The following SPNS2 variants were observed in gnomAD, a reference collection of about 807,000 sequenced individuals.
The protein encoded by SPNS2 is sphingosine-1-phosphate transporter SPNS2.
A neutral mutation model predicts 57.6 loss-of-function variants in SPNS2; 37 were observed. The ratio of observed to expected loss-of-function variants is 0.64; its 90% CI spans 0.49 to 0.85. The LOEUF (loss-of-function observed/expected upper bound fraction) is 0.85, where lower values mean the gene tolerates loss of function less well. Among genes scored for constraint, SPNS2 ranks in the 40% least tolerant of loss-of-function variants. The pLI, the probability that SPNS2 is intolerant of heterozygous loss-of-function variation, is 0.00. For synonymous variants in SPNS2, 440 were observed against 346.9 expected (o/e 1.27, Z -2.98); for missense variants, 831 against 779.1 (o/e 1.07, Z -0.79).
chr17:4,528,447 C>T (rs1905325808), intron 3 of SPNS2, among the ~76,000 whole-genome samples: 1 of 152,042 alleles, frequency 6.6e-6, no homozygotes, highest in African/African-American at 2.4e-5. Flanking sequence ...GGTTTCCTTT[C>T]ATGTCCATTT....
intron 12 of SPNS2, 46 bp from the exon 13 acceptor site, chr17:4,537,407 C>A: frequency 2.4e-6 from 1 of 418,148 alleles, no homozygotes; most frequent in Non-Finnish European, 4.9e-6. Context: ...AGCCTTGGCA[C>A]AGGCCCCACT....
intron 1 of SPNS2, among the ~76,000 whole-genome samples, chr17:4,509,278 CT>C (rs1174435292): frequency 6.6e-6 from 1 of 152,168 alleles, no homozygotes; most frequent in South Asian, 2.1e-4. Flanking sequence ...AGGGAAAGAA[CT>C]CTCCAGAGTT....
chr17:4,516,501 A>G (rs776349512), intron 2 of SPNS2, among the ~76,000 whole-genome samples: 4 of 152,058 alleles, frequency 2.6e-5, no homozygotes, highest in Non-Finnish European at 5.9e-5. Flanking sequence ...CCCTCTATCT[A>G]TGGGGGCAGA....
rs1049774024 is a variant in SPNS2, at chr17:4,532,755, G to C, written c.935+71G>C. 5.8e-6 allele frequency: 9 copies of C among 1,557,444 alleles called. No homozygotes were observed. In the African/African-American group the frequency reaches 6.8e-5, roughly 12 times the overall value. On this transcript the variant is annotated intron_variant, in intron 6 of 12. Transcript: ENST00000329078. ...GAGATGAGAGGGCCTGTCCCTGCAG[G>C]GCAGCCCACTAGCACCCTCAGCCAG... is the stretch of plus-strand genomic sequence containing the variant.
Position 4,513,202 on chromosome 17 carries a change from C to T in SPNS2, c.371-45C>T, listed in dbSNP as rs772616429. ...AGGCTGGGCTGGTCTGTGGGGACAC[C>T]AGCCATCAGACTCGGCCAGTGAGCA... On this transcript the variant is annotated intron_variant, in intron 1 of 12. Transcript: ENST00000329078. 41 of 1,602,182 alleles carry T rather than the reference C, an allele frequency of 2.6e-5. No individual in the cohort carries two copies. In the East Asian group the frequency reaches 8.1e-4, roughly 31 times the overall value.
intron 2 of SPNS2, among the ~76,000 whole-genome samples, chr17:4,519,959 G>T (rs376405187): frequency 1.3e-5 from 2 of 152,206 alleles, no homozygotes; most frequent in South Asian, 2.1e-4. Flanking sequence ...GCCAGGCGGG[G>T]TCCTCCCTCC....
At chr17:4,503,731 G>C (rs1904596121) in intron 1 of SPNS2, among the ~76,000 whole-genome samples, 1 of 152,230 alleles carries the variant, frequency 6.6e-6, no homozygotes, top group African/African-American at 2.4e-5. Context: ...GGGGCAGCCT[G>C]GGCACTTGGA....
intron 2 of SPNS2, among the ~76,000 whole-genome samples, chr17:4,514,545 C>T (rs1310179854): frequency 1.3e-5 from 2 of 152,194 alleles, no homozygotes; most frequent in African/African-American, 4.8e-5. Context: ...AGAGGGGTTG[C>T]GATGGTTCTC....
At chr17:4,516,367 G>T (rs2144329375) in intron 2 of SPNS2, among the ~76,000 whole-genome samples, 1 of 148,164 alleles carries the variant, frequency 6.7e-6, no homozygotes, top group Non-Finnish European at 1.5e-5. Flanking sequence ...CATAGGTTTT[G>T]CTGTTTTGGG....
In SPNS2 at chr17:4,520,241, G is replaced by A. The variant is rs150421505; in HGVS notation, c.437-4816G>A. On this transcript the variant is annotated intron_variant, in intron 2 of 12. Transcript: ENST00000329078. Reference sequence around the variant, plus strand: ...CAGGCTGGGGCCGGTGGGTGGGGACGGGGCGTGCCAGCTTCTGCCAGGAGT... The same window carrying A: ...CAGGCTGGGGCCGGTGGGTGGGGACAGGGCGTGCCAGCTTCTGCCAGGAGT... 4.4e-3 allele frequency among the ~76,000 whole-genome samples: 675 copies of A among 152,266 alleles called. 6 individuals carry two copies. The highest frequency in any genetic ancestry group is 0.015 in the African/African-American group (631 of 41,560).
rs151047414 is a variant in SPNS2 at position 4,525,941 on chromosome 17, G to A, written c.573+748G>A. ...GGTAGTGAGTTCCCCATCTCGAGGC[G>A]TATTCAAGCAGAGAGTGGCAATCAC... On this transcript the variant is annotated intron_variant, in intron 3 of 12. Coordinates refer to ENST00000329078, the MANE Select transcript of SPNS2 (RefSeq NM_001124758.3). Among the ~76,000 whole-genome samples, 914 of 152,268 alleles carry A rather than the reference G, an allele frequency of 6.0e-3. 9 individuals carry two copies. The highest frequency in any genetic ancestry group is 0.02 in the African/African-American group (834 of 41,542).
intron 1 of SPNS2, among the ~76,000 whole-genome samples, chr17:4,506,928 G>GC (rs1245717795): frequency 6.6e-6 from 1 of 152,204 alleles, no homozygotes; most frequent in Non-Finnish European, 1.5e-5. Context: ...GCAACCTGAG[G>GC]CCCAGCTGCT....
rs1453622787 is a variant in SPNS2 at position 4,511,682 on chromosome 17, A to T, written c.371-1565A>T. 6.6e-6 allele frequency among the ~76,000 whole-genome samples: 1 copy of T among 152,172 alleles called. No homozygotes were observed. The highest frequency in any genetic ancestry group is 1.5e-5 in the Non-Finnish European group (1 of 68,030). Reference sequence around the variant, plus strand: ...CAGCCTCTGCCTTGGTTATTAAGTCATTAACTGGGCCTCACACAGCCTCTT... The same window carrying T: ...CAGCCTCTGCCTTGGTTATTAAGTCTTTAACTGGGCCTCACACAGCCTCTT... On this transcript the variant is annotated intron_variant, in intron 1 of 12. Coordinates refer to ENST00000329078, the MANE Select transcript of SPNS2 (RefSeq NM_001124758.3). The surrounding 1 kb of genome is among the most constrained non-coding windows in gnomAD (Gnocchi z 4.6).
intron 1 of SPNS2, among the ~76,000 whole-genome samples, chr17:4,505,405 T>C (rs1904646315): frequency 6.6e-6 from 1 of 152,130 alleles, no homozygotes; most frequent in African/African-American, 2.4e-5. Context: ...GCTGGTGCTG[T>C]CTCTTTGTTC....
At chr17:4,532,091 C>T (rs1317682529) in intron 5 of SPNS2, among the ~76,000 whole-genome samples, 4 of 152,198 alleles carry the variant, frequency 2.6e-5, no homozygotes, top group Non-Finnish European at 5.9e-5. Context: ...TACTTATTTT[C>T]CATCCGTCTG....
chr17:4,518,314 G>A (rs973850681), intron 2 of SPNS2, among the ~76,000 whole-genome samples: 3 of 152,194 alleles, frequency 2.0e-5, no homozygotes, highest in African/African-American at 7.2e-5. Context: ...CACGAGGTCA[G>A]GAGATCGAGA....
At chr17:4,535,067 A>G (rs1905709675) in intron 9 of SPNS2, among the ~76,000 whole-genome samples, 1 of 152,036 alleles carries the variant, frequency 6.6e-6, no homozygotes, top group Non-Finnish European at 1.5e-5. Flanking sequence ...GCTTGCACAC[A>G]ATGCCCACTA....
chr17:4,524,959 T>G, intron 2 of SPNS2, 98 bp from the exon 3 acceptor site: 1 of 1,529,204 alleles, frequency 6.5e-7, no homozygotes, highest in Non-Finnish European at 8.9e-7. Flanking sequence ...CTTGGTCCCT[T>G]TGCTCCACAG....
chr17:4,536,073 C>T lies in SPNS2; in HGVS notation c.1345-3C>T. On this transcript the variant is annotated splice_region_variant and splice_polypyrimidine_tract_variant and intron_variant, in intron 9 of 12. Coordinates refer to ENST00000329078, the MANE Select transcript of SPNS2 (RefSeq NM_001124758.3). ...GCCGCTGACCTGCCCGCCTGTTCCG[C>T]AGTACGTGGTCATCCCCACGCGGCG... 1 of 1,610,098 alleles carries T rather than the reference C, an allele frequency of 6.2e-7. No individual in the cohort carries two copies. The highest frequency in any genetic ancestry group is 8.5e-7 in the Non-Finnish European group (1 of 1,179,144).
Sources: gnomAD v4.1 joint callset for allele counts (sites outside exome capture counted in the v4.1 genomes callset) on GRCh38, gnomAD v4.1.1 for gene constraint, Gnocchi (gnomAD v3.1) non-coding constraint, MANE v1.5 for transcripts, NCBI Gene and HGNC (gene_info 2026-07-23, HGNC 2026-07-21) for gene names.